The following ZP3 variants were observed in gnomAD, a reference collection of about 807,000 sequenced individuals.
ZP3 encodes the protein zona pellucida glycoprotein 3.
Under a neutral mutation model 35.6 loss-of-function variants are expected in ZP3, and 21 were observed. The observed-to-expected ratio is 0.59, with a 90% CI of 0.42 to 0.85. The LOEUF (loss-of-function observed/expected upper bound fraction) is 0.85. ZP3 is among the 40% of genes least tolerant of loss of function. ZP3 has a pLI of 0.00. For synonymous variants in ZP3, 207 were observed against 214.5 expected, an observed-to-expected ratio of 0.96 and a Z score of 0.31; for missense variants, 437 against 536.5, an observed-to-expected ratio of 0.81 and a Z score of 1.83.
intron 1 of ZP3, among the ~76,000 whole-genome samples, chr7:76,398,072 T>C (rs1804699352): frequency 6.6e-6 from 1 of 152,086 alleles, no homozygotes. Context: ...ACGTGCTGCC[T>C]TCTCATCTAC....
intron 1 of ZP3, among the ~76,000 whole-genome samples, chr7:76,427,385 C>T (rs544141889): frequency 1.4e-4 from 22 of 152,074 alleles, no homozygotes; most frequent in Admixed American, 3.3e-4. Context: ...GGTGTGGTGG[C>T]GGGCACCTGT....
chr7:76,430,268 G>A (rs1477088816), intron 2 of ZP3, among the ~76,000 whole-genome samples: 1 of 152,090 alleles, frequency 6.6e-6, no homozygotes. Context: ...GGGCGGTGGT[G>A]GCCTACTCTT....
At chr7:76,429,733 T>C (rs1671878176) in intron 2 of ZP3, 100 bp downstream of exon 2, 2 of 978,616 alleles carry the variant, frequency 2.0e-6, no homozygotes, top group Non-Finnish European at 3.2e-6. Flanking sequence ...AGCATGGCTA[T>C]TAGAACTACC....
rs544815389 is a variant in ZP3 at position 76,440,646 on chromosome 7, T to C, written c.1060+35T>C. 556 of 1,580,560 alleles carry C rather than the reference T, an allele frequency of 3.5e-4. 2 individuals are homozygous for C. In the South Asian group the frequency reaches 6.1e-3, roughly 17 times the overall value. ...AGAATGGCCAAGAGGCTGTTCATTG[T>C]CCCTTACTCAGTTGAGGGTACCTGC... On this transcript the variant is annotated intron_variant, in intron 7 of 7. Coordinates refer to ENST00000394857, the MANE Select transcript of ZP3 (RefSeq NM_001110354.2).
chr7:76,429,669 A>G, intron 2 of ZP3, 36 bp downstream of exon 2: 4 of 1,586,308 alleles, frequency 2.5e-6, no homozygotes, highest in Non-Finnish European at 3.5e-6. Flanking sequence ...CCTGGTGCAA[A>G]AGCCCCTTGG....
At chr7:76,416,044 C>T (rs376238978) in intron 1 of ZP3, among the ~76,000 whole-genome samples, 30 of 151,468 alleles carry the variant, frequency 2.0e-4, no homozygotes, top group African/African-American at 6.8e-4. Context: ...GCATGAGAAT[C>T]GCTTGAACCT....
chr7:76,422,983 T>A (rs1805541918), upstream of ZP3, among the ~76,000 whole-genome samples: 1 of 119,698 alleles, frequency 8.4e-6, no homozygotes, highest in Non-Finnish European at 1.7e-5. Flanking sequence ...GGCGACAGAA[T>A]GAGATCCTGT....
chr7:76,432,504 T>G (rs963334230), intron 2 of ZP3, among the ~76,000 whole-genome samples: 1 of 152,040 alleles, frequency 6.6e-6, no homozygotes, highest in Non-Finnish European at 1.5e-5. Context: ...TTTATAGAGA[T>G]AGAGTCTTGC....
At chr7:76,429,238 C>T (rs1333564501) in intron 1 of ZP3, 21 of 419,138 alleles carry the variant, frequency 5.0e-5, no homozygotes, top group Admixed American at 2.8e-4. Context: ...AAAGACAGTA[C>T]CTGTCCTGCC....
chr7:76,425,059 C>T lies in ZP3; in HGVS notation c.95C>T (p.Ala32Val), dbSNP rs2115881689. The T allele has an allele frequency of 1.9e-6, 3 of 1,611,454 alleles. No individual in the cohort carries two copies. The East Asian group carries it at 6.7e-5, about 36-fold the overall frequency. ...PQPLWLLQGG[A>V]SHPETSVQPV... is the part of the protein sequence containing the mutation. ...CCCCTCTGGCTCTTGCAGGGTGGAGCCAGCCATCCTGAGACGTCCGTACAG... is the reference window on the plus strand; with the variant it reads ...CCCCTCTGGCTCTTGCAGGGTGGAGTCAGCCATCCTGAGACGTCCGTACAG... The change falls in exon 1 of 8, where the codon GCC becomes GTC. Residue 32 changes from alanine to valine, a missense_variant. Ala to Val is a moderately conservative substitution (Grantham distance 64). Transcript: ENST00000394857.
chr7:76,404,183 G>A, intron 1 of ZP3: 1 of 1,347,360 alleles, frequency 7.4e-7, no homozygotes, highest in Non-Finnish European at 9.9e-7. Context: ...CTGGGCAAAG[G>A]TCAGCATTGG....
chr7:76,406,248 G>A (rs1805028121), intron 1 of ZP3, among the ~76,000 whole-genome samples: 2 of 152,230 alleles, frequency 1.3e-5, no homozygotes, highest in South Asian at 4.1e-4. Context: ...AAAGTGCTGG[G>A]ATTACAGGCA....
chr7:76,408,899 T>C (rs1361475008), intron 1 of ZP3, among the ~76,000 whole-genome samples: 7 of 152,164 alleles, frequency 4.6e-5, no homozygotes, highest in Admixed American at 3.9e-4. Flanking sequence ...CGGTTCATAT[T>C]GCAGCATCAG....
chr7:76,418,662 C>A (rs964283016), intron 1 of ZP3, among the ~76,000 whole-genome samples: 1 of 151,528 alleles, frequency 6.6e-6, no homozygotes, highest in African/African-American at 2.4e-5. Flanking sequence ...CGAGACCATC[C>A]CAGCTAACAC....
intron 1 of ZP3, chr7:76,398,674 A>G (rs1437334033): frequency 6.4e-7 from 1 of 1,574,320 alleles, no homozygotes; most frequent in Non-Finnish European, 8.7e-7. Context: ...GGTGTGAGAG[A>G]CTCCTCTCCC....
chr7:76,429,732 A>C (rs1412869138), intron 2 of ZP3, 99 bp downstream of exon 2: 2 of 984,426 alleles, frequency 2.0e-6, no homozygotes, highest in Non-Finnish European at 3.2e-6. Flanking sequence ...CAGCATGGCT[A>C]TTAGAACTAC....
At chr7:76,429,776 T>C in intron 2 of ZP3, 143 bp downstream of exon 2, 2 of 733,544 alleles carry the variant, frequency 2.7e-6, no homozygotes, top group East Asian at 2.6e-5. Context: ...GTTACTGTAC[T>C]GCGTGGGATT....
At chr7:76,426,313 G>A (rs1805650168) in intron 1 of ZP3, among the ~76,000 whole-genome samples, 1 of 152,166 alleles carries the variant, frequency 6.6e-6, no homozygotes, top group Non-Finnish European at 1.5e-5. Context: ...GGGCAGGGCT[G>A]GGCACACAGC....
In ZP3 at chr7:76,433,153, GGTTGGTTTTGGTTGGTTTTT is replaced by G. The variant is rs1182312046; in HGVS notation, c.535+125_535+144del. On this transcript the variant is annotated intron_variant, in intron 3 of 7. Coordinates refer to ENST00000394857, the MANE Select transcript of ZP3 (RefSeq NM_001110354.2). ...GTTTTGGTTGGTTTTGGTTGGTTTT[GGTTGGTTTTGGTTGGTTTTT>G]GAGACAGTCTTGATCTGACCTCCAG... 5.4e-6 allele frequency: 4 copies of G among 747,402 alleles called. No homozygotes were observed. The African/African-American group carries it at 7.0e-5, about 13-fold the overall frequency. The allele number at this position is 747,402 out of a possible 1,614,324, so 46.3% of individuals were successfully genotyped here.
Sources: gnomAD v4.1 joint callset for allele counts (sites outside exome capture counted in the v4.1 genomes callset) on GRCh38, gnomAD v4.1.1 for gene constraint, MANE v1.5 for transcripts, NCBI Gene and HGNC (gene_info 2026-07-23, HGNC 2026-07-21) for gene names.